The following NXPH1 variants were observed in gnomAD, a reference collection of about 807,000 sequenced individuals.
NXPH1 encodes neurexophilin 1, also known as neurexophilin-1.
In NXPH1, 5 loss-of-function variants were observed where a neutral mutation model predicts 23.7. That is an observed-to-expected ratio of 0.21 (90% CI 0.11 to 0.44). The LOEUF (loss-of-function observed/expected upper bound fraction) is 0.44. Among genes scored for constraint, NXPH1 ranks in the 20% least tolerant of loss-of-function variants. The pLI, the probability that NXPH1 is intolerant of heterozygous loss-of-function variation, is 0.99. For synonymous variants in NXPH1, 144 were observed against 122.2 expected, an observed-to-expected ratio of 1.18 and a Z score of -1.18; for missense variants, 324 against 321.6, an observed-to-expected ratio of 1.01 and a Z score of -0.06.
At chr7:8,618,428 A>G (rs1184707443) in intron 2 of NXPH1, among the ~76,000 whole-genome samples, 2 of 152,174 alleles carry the variant, frequency 1.3e-5, no homozygotes, top group East Asian at 1.9e-4. Context: ...AAAATCTTGG[A>G]TGTTTAGCCA....
intron 2 of NXPH1, among the ~76,000 whole-genome samples, chr7:8,681,161 C>G (rs1821043407): frequency 6.6e-6 from 1 of 152,176 alleles, no homozygotes; most frequent in Non-Finnish European, 1.5e-5. Context: ...CATTAAGTGG[C>G]ATAAGTCATT....
At chr7:8,499,416 C>T (rs1241396143) in intron 2 of NXPH1, among the ~76,000 whole-genome samples, 3 of 151,976 alleles carry the variant, frequency 2.0e-5, no homozygotes, top group Admixed American at 6.6e-5. Context: ...AATAAGGGCC[C>T]TGATACAAAC....
intron 2 of NXPH1, among the ~76,000 whole-genome samples, chr7:8,709,243 C>T (rs1182497706): frequency 3.9e-5 from 6 of 151,990 alleles, no homozygotes; most frequent in African/African-American, 1.2e-4. Context: ...GTATGGTAGT[C>T]CTCTTTGAAA....
At chr7:8,571,059 A>G (rs1818637382) in intron 2 of NXPH1, among the ~76,000 whole-genome samples, 2 of 150,436 alleles carry the variant, frequency 1.3e-5, no homozygotes, top group Admixed American at 1.3e-4. Context: ...ATCTAATCTA[A>G]TCTAATCTAA....
intron 2 of NXPH1, among the ~76,000 whole-genome samples, chr7:8,653,638 A>G (rs1373547755): frequency 6.6e-6 from 1 of 152,170 alleles, no homozygotes; most frequent in African/African-American, 2.4e-5. Context: ...CCAACAAGCT[A>G]TTCTATATAC....
chr7:8,741,672 A>G (rs1428402582), intron 2 of NXPH1, among the ~76,000 whole-genome samples: 1 of 152,120 alleles, frequency 6.6e-6, no homozygotes, highest in Non-Finnish European at 1.5e-5. Context: ...TTAAAACACT[A>G]CTTTCCTCTG....
intron 2 of NXPH1, among the ~76,000 whole-genome samples, chr7:8,574,295 T>A (rs1818709747): frequency 6.6e-6 from 1 of 152,122 alleles, no homozygotes; most frequent in Admixed American, 6.5e-5. Context: ...AACATTTTTT[T>A]AAGAGATGGG....
At chr7:8,537,706 A>T (rs1277586117) in intron 2 of NXPH1, among the ~76,000 whole-genome samples, 1 of 151,930 alleles carries the variant, frequency 6.6e-6, no homozygotes, top group African/African-American at 2.4e-5. Context: ...GCTGTGTGAC[A>T]CTGGGAGCTC....
intron 2 of NXPH1, among the ~76,000 whole-genome samples, chr7:8,715,098 G>T (rs1448156095): frequency 2.0e-5 from 3 of 152,140 alleles, no homozygotes; most frequent in Non-Finnish European, 4.4e-5. Flanking sequence ...TGGTGGTGAG[G>T]CTTGCTGAAA....
At chr7:8,723,140 G>A (rs1779996050) in intron 2 of NXPH1, among the ~76,000 whole-genome samples, 1 of 152,158 alleles carries the variant, frequency 6.6e-6, no homozygotes, top group South Asian at 2.1e-4. Context: ...AAACCCCACT[G>A]CATTTCCCAA....
chr7:8,641,544 A>G (rs533861002), intron 2 of NXPH1, among the ~76,000 whole-genome samples: 9 of 152,130 alleles, frequency 5.9e-5, no homozygotes, highest in Admixed American at 4.6e-4. Flanking sequence ...AGAGACAACA[A>G]TTTTCAACAT....
chr7:8,473,737 G>GTT (rs558654748), intron 2 of NXPH1, among the ~76,000 whole-genome samples: 61 of 144,742 alleles, frequency 4.2e-4, no homozygotes, highest in Admixed American at 5.5e-4. Flanking sequence ...TGCTGTGTGT[G>GTT]TTTTTTTTTT....
chr7:8,644,681 T>A (rs1035686129), intron 2 of NXPH1, among the ~76,000 whole-genome samples: 1 of 152,142 alleles, frequency 6.6e-6, no homozygotes, highest in African/African-American at 2.4e-5. Context: ...TTTTTGTGAA[T>A]ATAAAATATC....
At chr7:8,535,718 C>T (rs1415782773) in intron 2 of NXPH1, among the ~76,000 whole-genome samples, 5 of 151,776 alleles carry the variant, frequency 3.3e-5, no homozygotes, top group African/African-American at 1.2e-4. Flanking sequence ...CTGGGGTGTT[C>T]TTTTAGATAA....
intron 2 of NXPH1, among the ~76,000 whole-genome samples, chr7:8,514,775 C>T (rs1386042226): frequency 2.6e-5 from 4 of 152,048 alleles, no homozygotes; most frequent in Non-Finnish European, 5.9e-5. Flanking sequence ...TTTCACCAAG[C>T]GGATGTCCAT....
intron 2 of NXPH1, among the ~76,000 whole-genome samples, chr7:8,567,850 C>T (rs998722659): frequency 1.3e-5 from 2 of 151,810 alleles, no homozygotes; most frequent in East Asian, 3.9e-4. Flanking sequence ...GGACTAATTT[C>T]AATCAGGTAC....
At chr7:8,573,527 G>T (rs1818692021) in intron 2 of NXPH1, among the ~76,000 whole-genome samples, 1 of 152,106 alleles carries the variant, frequency 6.6e-6, no homozygotes, top group Non-Finnish European at 1.5e-5. Context: ...TGGCAACAAG[G>T]AACAGTTGGA....
chr7:8,573,596 T>G (rs1818693465), intron 2 of NXPH1, among the ~76,000 whole-genome samples: 1 of 152,118 alleles, frequency 6.6e-6, no homozygotes, highest in African/African-American at 2.4e-5. Context: ...AAAAGGCACT[T>G]TAGAACCAGG....
chr7:8,497,685 C>A lies in NXPH1; in HGVS notation c.54+61918C>A, dbSNP rs565985022. Reference sequence around the variant, plus strand: ...CTTTTGAGAAGTATCTGCTCATATCCTTCCCCTACTTTTTGATGGGGTTGT... The same window carrying A: ...CTTTTGAGAAGTATCTGCTCATATCATTCCCCTACTTTTTGATGGGGTTGT... On this transcript the variant is annotated intron_variant, in intron 2 of 2. Coordinates refer to ENST00000405863, the MANE Select transcript of NXPH1 (RefSeq NM_152745.3). Among the ~76,000 whole-genome samples the A allele has an allele frequency of 5.3e-5, 8 of 152,274 alleles. No individual in the cohort carries two copies. The South Asian group carries it at 1.7e-3, about 32-fold the overall frequency.
Sources: allele counts gnomAD v4.1 joint callset (sites outside exome capture counted in the v4.1 genomes callset), GRCh38; gene constraint gnomAD v4.1.1; transcripts MANE v1.5; gene names NCBI Gene and HGNC (gene_info 2026-07-23, HGNC 2026-07-21).